Variants in COMMD6 observed in about 807,000 individuals in gnomAD.
The protein encoded by COMMD6 is COMM domain containing 6.
COMMD6 carries 11 observed loss-of-function variants against 13.4 expected under a neutral mutation model. That is an observed-to-expected ratio of 0.82 (90% CI 0.52 to 1.36). The LOEUF is 1.36. Among genes scored for constraint, COMMD6 ranks in the 40% most tolerant of loss-of-function variants. The probability of loss-of-function intolerance (pLI) is 0.00; values close to 1 mark genes in which losing one functional copy is unlikely to be tolerated. For synonymous variants in COMMD6, 43 were observed against 36.5 expected, an observed-to-expected ratio of 1.18 and a Z score of -0.64; for missense variants, 124 against 102.4, an observed-to-expected ratio of 1.21 and a Z score of -0.91.
chr13:75,527,927 G>C, intron 3 of COMMD6: 2 of 1,355,828 alleles, frequency 1.5e-6, no homozygotes, highest in Non-Finnish European at 9.6e-7. Flanking sequence ...GAGATCTAAT[G>C]TACAATATGG....
chr13:75,535,228 G>A (rs1348825300), intron 2 of COMMD6, among the ~76,000 whole-genome samples: 1 of 152,180 alleles, frequency 6.6e-6, no homozygotes, highest in Non-Finnish European at 1.5e-5. Flanking sequence ...GGTGGCTGGA[G>A]GGGCATGAGC....
At chr13:75,537,919 A>G, upstream of COMMD6, 2 of 1,033,330 alleles carry the variant, frequency 1.9e-6, no homozygotes, top group Non-Finnish European at 2.8e-6. Flanking sequence ...TAGCAGGGGA[A>G]GCTGAAAAAA....
At chr13:75,534,763 G>A (rs2030604167) in intron 2 of COMMD6, among the ~76,000 whole-genome samples, 1 of 152,134 alleles carries the variant, frequency 6.6e-6, no homozygotes, top group African/African-American at 2.4e-5. Flanking sequence ...ACACAAATTA[G>A]CTGTAGTCAC....
chr13:75,527,355 A>C (rs1030083081), intron 3 of COMMD6, among the ~76,000 whole-genome samples: 14 of 152,158 alleles, frequency 9.2e-5, no homozygotes, highest in Admixed American at 9.2e-4. Context: ...TATTGTTTTA[A>C]TTTATATGCA....
At chr13:75,527,290 G>T (rs2030296678) in intron 3 of COMMD6, among the ~76,000 whole-genome samples, 1 of 152,124 alleles carries the variant, frequency 6.6e-6, no homozygotes, top group African/African-American at 2.4e-5. Flanking sequence ...TTACACATCT[G>T]CATTTTCCTT....
At chr13:75,531,755 C>T (rs2030486627) in intron 2 of COMMD6, among the ~76,000 whole-genome samples, 1 of 152,198 alleles carries the variant, frequency 6.6e-6, no homozygotes, top group African/African-American at 2.4e-5. Flanking sequence ...GTGTCACATG[C>T]TGTTGGTGAA....
rs764808032 is a variant in COMMD6 at position 75,530,130 on chromosome 13, G to A, written c.191C>T (p.Thr64Met). Residue 64 changes from threonine (T) to methionine (M), a missense_variant, in exon 3 of 4, where the codon ACG (threonine) becomes ATG (methionine). Transcript: ENST00000682242. ...ATCACAAACCTGAAACTGTGGAATC[G>A]TCATTTCAAAGCACTTGGTCTTTAC... The part of the protein sequence containing the change: ...GQVKTKCFEM[T>M]IPQFQNFYRQ... 6 of 1,612,100 alleles carry A rather than the reference G, an allele frequency of 3.7e-6. No homozygotes were observed. Among genetic ancestry groups the A allele is most frequent in the Admixed American group, 3.4e-5 (2 of 59,682 alleles).
At chr13:75,546,777 A>G (rs1433744124) in intron 1 of COMMD6, among the ~76,000 whole-genome samples, 5 of 152,248 alleles carry the variant, frequency 3.3e-5, no homozygotes, top group Non-Finnish European at 7.3e-5. Context: ...AAAATATTTA[A>G]GAAAATCTTC....
rs9600488 is a variant in COMMD6 at position 75,531,977 on chromosome 13, T to C, written c.55-1711A>G. Among the ~76,000 whole-genome samples, 1,170 of 152,304 alleles carry C rather than the reference T, an allele frequency of 7.7e-3. 17 individuals are homozygous for C. The highest frequency in any genetic ancestry group is 0.026 in the African/African-American group (1,066 of 41,560). On this transcript the variant is annotated intron_variant, in intron 2 of 3. Coordinates refer to ENST00000682242, the MANE Select transcript of COMMD6 (RefSeq NM_203495.4). ...GTTCAACAGAAATAAAATGGATAAA[T>C]GAAATGCTATACAGCAATGAAAATG...
chr13:75,543,243 G>A (rs1272833960), upstream of COMMD6, among the ~76,000 whole-genome samples: 1 of 152,138 alleles, frequency 6.6e-6, no homozygotes, highest in East Asian at 1.9e-4. Context: ...CATTACCTGG[G>A]TGTTGAAATA....
chr13:75,545,621 G>A (rs1593963801), intron 1 of COMMD6, among the ~76,000 whole-genome samples: 1 of 151,818 alleles, frequency 6.6e-6, no homozygotes, highest in African/African-American at 2.4e-5. Context: ...ACAGACGCCC[G>A]CCACCACGCC....
At chr13:75,529,919 A>G in intron 3 of COMMD6, 195 bp downstream of exon 3, 3 of 540,664 alleles carry the variant, frequency 5.5e-6, no homozygotes, top group Non-Finnish European at 6.5e-6. Flanking sequence ...ACTTCAGCAC[A>G]TTATATTGAA....
At chr13:75,543,859 C>T (rs1262179193) in intron 1 of COMMD6, among the ~76,000 whole-genome samples, 1 of 152,168 alleles carries the variant, frequency 6.6e-6, no homozygotes, top group East Asian at 1.9e-4. Flanking sequence ...GTAGATCATA[C>T]ATTATCTCTA....
chr13:75,548,138 T>C (rs888554617), intron 1 of COMMD6, among the ~76,000 whole-genome samples: 2 of 152,192 alleles, frequency 1.3e-5, no homozygotes, highest in African/African-American at 4.8e-5. Flanking sequence ...GCAATTCCTT[T>C]GACAGTAAGT....
At chr13:75,542,587 C>A (rs995852021), upstream of COMMD6, among the ~76,000 whole-genome samples, 1 of 152,178 alleles carries the variant, frequency 6.6e-6, no homozygotes, top group African/African-American at 2.4e-5. Flanking sequence ...CTGCACCCAG[C>A]CCTTTTTTTT....
chr13:75,534,728 A>G lies in COMMD6; in HGVS notation c.54+2936T>C, dbSNP rs536566111. Among the ~76,000 whole-genome samples the G allele has an allele frequency of 1.1e-4, 16 of 152,366 alleles. No individual in the cohort carries two copies. The East Asian group carries it at 3.1e-3, about 29-fold the overall frequency. On this transcript the variant is annotated intron_variant, in intron 2 of 3. Transcript: ENST00000682242. ...TAAAATGAATATAAAGAATAATCAG[A>G]AAGTAAATATATAAAAAGGTAAACA... is the stretch of plus-strand genomic sequence containing the variant.
intron 1 of COMMD6, among the ~76,000 whole-genome samples, chr13:75,544,805 G>A (rs1168438143): frequency 6.6e-6 from 1 of 151,376 alleles, no homozygotes; most frequent in Non-Finnish European, 1.5e-5. Context: ...AAATTTGGTG[G>A]TGCACGTCTG....
At chr13:75,544,926 CAAA>C (rs10708731) in intron 1 of COMMD6, among the ~76,000 whole-genome samples, 3 of 104,548 alleles carry the variant, frequency 2.9e-5, no homozygotes, top group Non-Finnish European at 3.8e-5. Flanking sequence ...ACTCTGTCTC[CAAA>C]AAAAAAAAAA....
At chr13:75,545,647 AT>A (rs1036897194) in intron 1 of COMMD6, among the ~76,000 whole-genome samples, 36 of 151,828 alleles carry the variant, frequency 2.4e-4, no homozygotes, top group Non-Finnish European at 4.4e-4. Flanking sequence ...AATTTTCTGT[AT>A]TTTTAGTAGA....
Sources: allele counts gnomAD v4.1 joint callset (sites outside exome capture counted in the v4.1 genomes callset), GRCh38; gene constraint gnomAD v4.1.1; transcripts MANE v1.5; gene names NCBI Gene and HGNC (gene_info 2026-07-23, HGNC 2026-07-21).